The following SPATA21 variants were observed in gnomAD, a reference collection of about 807,000 sequenced individuals.
SPATA21 encodes spermatogenesis associated 21.
A neutral mutation model predicts 54.8 loss-of-function variants in SPATA21; 47 were observed. The observed-to-expected ratio is 0.86, with a 90% CI of 0.68 to 1.09. The LOEUF is 1.09. SPATA21 is among the 50% of genes least tolerant of loss of function. The pLI is 0.00. For missense variants in SPATA21, 599 were observed against 596.4 expected, an observed-to-expected ratio of 1.00 and a Z score of -0.05; for synonymous variants, 245 against 235.3, an observed-to-expected ratio of 1.04 and a Z score of -0.38.
chr1:16,431,071 C>T (rs1386953184), intron 3 of SPATA21, among the ~76,000 whole-genome samples: 2 of 152,204 alleles, frequency 1.3e-5, no homozygotes, highest in Non-Finnish European at 2.9e-5. Context: ...AGGCATGTGT[C>T]AGTTACCCAA....
At chr1:16,410,370 A>C (rs1199464194) in intron 5 of SPATA21, among the ~76,000 whole-genome samples, 1 of 150,286 alleles carries the variant, frequency 6.7e-6, no homozygotes, top group Non-Finnish European at 1.5e-5. Context: ...CTCAGCCTCC[A>C]GAGAAGCTGG....
chr1:16,405,176 A>C (rs1570106312), intron 7 of SPATA21, 72 bp from the exon 8 acceptor site: 28 of 1,536,248 alleles, frequency 1.8e-5, no homozygotes, highest in South Asian at 5.1e-5. Flanking sequence ...TACCCCAACC[A>C]CCCTCCTGCC....
rs779509423 is a variant in SPATA21, at chr1:16,398,837, A to G, written c.1353-15T>C. The G allele has an allele frequency of 2.3e-5, 37 of 1,610,758 alleles. No individual in the cohort carries two copies. Among genetic ancestry groups the G allele is most frequent in the Non-Finnish European group, 2.8e-5 (33 of 1,178,522 alleles). ...AGTTGTGTTCCCTGGGGAGAGGAGTAGGGCAGAAGGGTGGGAGACATGTGG... is the reference window on the plus strand; with the variant it reads ...AGTTGTGTTCCCTGGGGAGAGGAGTGGGGCAGAAGGGTGGGAGACATGTGG... On this transcript the variant is annotated splice_polypyrimidine_tract_variant and intron_variant, in intron 12 of 12. Transcript: ENST00000335496.
intron 5 of SPATA21, among the ~76,000 whole-genome samples, chr1:16,412,443 CA>C (rs1397771107): frequency 6.6e-6 from 1 of 151,920 alleles, no homozygotes; most frequent in Non-Finnish European, 1.5e-5. Flanking sequence ...TCTGTGATAA[CA>C]TACACGTAAC....
chr1:16,408,784 C>T lies in SPATA21; in HGVS notation c.673+334G>A, dbSNP rs112431105. ...ATTCAGGAGGTTGAGGTAGGAGAAT[C>T]GCTTGAACCCTGGAGGCAGATGTTG... On this transcript the variant is annotated intron_variant, in intron 7 of 12. Transcript: ENST00000335496. The T allele has an allele frequency of 2.3e-4, 43 of 190,248 alleles. 1 individual carries two copies. The South Asian group carries it at 3.8e-3, about 17-fold the overall frequency. 11.8% of individuals were successfully genotyped at this position (190,248 alleles called of 1,614,324 possible).
rs1216709602 is a variant in SPATA21, at chr1:16,413,148, C to A, written c.145-3105G>T. On this transcript the variant is annotated intron_variant, in intron 5 of 12. Transcript: ENST00000335496. ...AGGCTGGTCTTTTCATCTTGTAGAACAGAAACTCCATATCCATTAAATAAT... is the reference window on the plus strand; with the variant it reads ...AGGCTGGTCTTTTCATCTTGTAGAAAAGAAACTCCATATCCATTAAATAAT... Among the ~76,000 whole-genome samples, 4 of 151,876 alleles carry A rather than the reference C, an allele frequency of 2.6e-5. 1 individual carries two copies. The highest frequency in any genetic ancestry group is 1.3e-4 in the Admixed American group (2 of 15,232).
At position 16,424,941 on chromosome 1, in the gene SPATA21, G is replaced by A. The variant is rs892922425; in HGVS notation, c.35-2970C>T. ...TATTTTATTTTTATTTTTTTGAGAC[G>A]GAGTTTTGCTCTCATTGCCCTGGTT... On this transcript the variant is annotated intron_variant, in intron 3 of 12. Transcript: ENST00000335496. 4.4e-4 allele frequency: 116 copies of A among 263,196 alleles called. 1 individual carries two copies. The highest frequency in any genetic ancestry group is 1.1e-4 in the Non-Finnish European group (15 of 133,266). The allele number at this position is 263,196 out of a possible 1,614,324, so 16.3% of individuals were successfully genotyped here. A position where few individuals can be genotyped will look rare whatever the true frequency, so the allele number is the denominator to read the frequency against.
At chr1:16,431,304 G>A (rs758398089) in intron 3 of SPATA21, 34 bp downstream of exon 3, 95 of 1,614,042 alleles carry the variant, frequency 5.9e-5, no homozygotes, top group Non-Finnish European at 8.0e-5. Context: ...CCTCAGGCCA[G>A]GACTTGGCTG....
rs1350212139 is a variant in SPATA21 at position 16,428,532 on chromosome 1, G to C, written c.34+2806C>G. Among the ~76,000 whole-genome samples, 1 of 152,052 alleles carries C rather than the reference G, an allele frequency of 6.6e-6. No individual in the cohort carries two copies. ...AGCTTCCCGAGTAGGTGGGATTACA[G>C]GTGTGCGCCACCATGCCCAACTAAT... On this transcript the variant is annotated intron_variant, in intron 3 of 12. Coordinates refer to ENST00000335496, the MANE Select transcript of SPATA21 (RefSeq NM_198546.1). The surrounding 1 kb of genome is among the most constrained non-coding windows in gnomAD (Gnocchi z 4.3).
rs528947922 is a variant in SPATA21 at position 16,414,893 on chromosome 1, C to CAAAA, written c.145-4854_145-4851dup. Among the ~76,000 whole-genome samples, 5 of 74,338 alleles carry CAAAA rather than the reference C, an allele frequency of 6.7e-5. 2 individuals are homozygous for CAAAA. Among genetic ancestry groups the CAAAA allele is most frequent in the African/African-American group, 5.6e-5 (1 of 17,758 alleles). 48.8% of individuals were successfully genotyped at this position (74,338 alleles called of 152,430 possible). ...GGGCAACAAGAGCGAAACCTCATCT[C>CAAAA]AAAAAAAAAAAAAAAAAAAGATTCT... On this transcript the variant is annotated intron_variant, in intron 5 of 12. Transcript: ENST00000335496.
At chr1:16,422,883 C>T (rs1463334167) in intron 3 of SPATA21, among the ~76,000 whole-genome samples, 1 of 152,048 alleles carries the variant, frequency 6.6e-6, no homozygotes, top group African/African-American at 2.4e-5. Flanking sequence ...GAGGTTTTGG[C>T]CAGGTGTGGT....
chr1:16,405,049 GC>G lies in SPATA21; in HGVS notation c.728del (p.Ser243ThrfsTer2). 6.2e-7 allele frequency: 1 copy of G among 1,610,090 alleles called. No individual in the cohort carries two copies. The highest frequency in any genetic ancestry group is 8.5e-7 in the Non-Finnish European group (1 of 1,178,670). On this transcript the variant is annotated frameshift_variant, in exon 8 of 13. Coordinates refer to ENST00000335496, the MANE Select transcript of SPATA21 (RefSeq NM_198546.1). LOFTEE classifies it high-confidence loss of function. ...CCATTAGGAGCAGGATATTCTTCAG[GC>G]TCTGTGCATCCACCTCACCAGGACC... Reference protein sequence around the residue: ...FNGPGEVDAQSLKNILLLMGF... With the variant: ...FNGPGEVDAQXLKNILLLMGF...
At chr1:16,420,413 A>T (rs2086136850) in intron 5 of SPATA21, among the ~76,000 whole-genome samples, 1 of 151,876 alleles carries the variant, frequency 6.6e-6, no homozygotes, top group Non-Finnish European at 1.5e-5. Context: ...AGTCCCAGCT[A>T]CTCAGGAGGC....
intron 2 of SPATA21, among the ~76,000 whole-genome samples, chr1:16,431,956 T>A (rs890521729): frequency 6.6e-6 from 1 of 152,134 alleles, no homozygotes; most frequent in Non-Finnish European, 1.5e-5. Context: ...GAAAACTCCA[T>A]GTTCTTAGAT....
Position 16,409,049 on chromosome 1 carries a change from G to T in SPATA21, c.673+69C>A. The stretch of plus-strand genomic sequence containing the variant: ...TCTGGAAAGCACCCCAGTCCGCCCT[G>T]CGCCTATAAACCCCCAAGGACCAAG... On this transcript the variant is annotated intron_variant, in intron 7 of 12. Transcript: ENST00000335496. The surrounding 1 kb of genome is among the most constrained non-coding windows in gnomAD (Gnocchi z 4.1). The T allele has an allele frequency of 6.5e-7, 1 of 1,544,252 alleles. No homozygotes were observed.
rs530232989 is a variant in SPATA21, at chr1:16,423,249, C to A, written c.35-1278G>T. On this transcript the variant is annotated intron_variant, in intron 3 of 12. Transcript: ENST00000335496. ...CCAACATGGTGAAACCCTGTCTCTA[C>A]TAAAAACACAAAAATTAGCTGGGCG... 4.6e-5 allele frequency among the ~76,000 whole-genome samples: 7 copies of A among 150,590 alleles called. No individual in the cohort carries two copies. The South Asian group carries it at 6.3e-4, about 14-fold the overall frequency.
At chr1:16,416,257 T>C (rs2086003057) in intron 5 of SPATA21, among the ~76,000 whole-genome samples, 1 of 152,186 alleles carries the variant, frequency 6.6e-6, no homozygotes, top group South Asian at 2.1e-4. Context: ...AAGAGTGTCA[T>C]TGAAGTGCTA....
At chr1:16,424,673 C>G (rs2086273389) in intron 3 of SPATA21, among the ~76,000 whole-genome samples, 1 of 152,106 alleles carries the variant, frequency 6.6e-6, no homozygotes, top group Admixed American at 6.6e-5. Flanking sequence ...CTCAGCCTCC[C>G]AAAGTGCTGG....
intron 12 of SPATA21, among the ~76,000 whole-genome samples, chr1:16,399,033 C>T (rs901504278): frequency 3.3e-5 from 5 of 152,156 alleles, no homozygotes; most frequent in Non-Finnish European, 7.3e-5. Flanking sequence ...GGAGACGTTC[C>T]CCTCTGCCCA....
Sources: allele counts gnomAD v4.1 joint callset (sites outside exome capture counted in the v4.1 genomes callset), GRCh38; gene constraint gnomAD v4.1.1; non-coding constraint Gnocchi (gnomAD v3.1); transcripts MANE v1.5; gene names NCBI Gene and HGNC (gene_info 2026-07-23, HGNC 2026-07-21).